CACNA2D1: variants seen among roughly 807,000 people sequenced by gnomAD.
The protein encoded by CACNA2D1 is voltage-dependent calcium channel subunit alpha-2/delta-1.
In CACNA2D1, 53 loss-of-function variants were observed where a neutral mutation model predicts 171.5. That is an observed-to-expected ratio of 0.31 (90% CI 0.25 to 0.39). The LOEUF is 0.39. Among genes scored for constraint, CACNA2D1 ranks in the 10% least tolerant of loss-of-function variants. The probability of loss-of-function intolerance (pLI) is 1.00; values close to 1 mark genes in which losing one functional copy is unlikely to be tolerated. For missense variants in CACNA2D1, 903 were observed against 1,299.8 expected (o/e 0.69, Z 4.69); for synonymous variants, 442 against 443.1 (o/e 1.00, Z 0.03).
At chr7:82,077,472 A>G (rs1195195361) in intron 7 of CACNA2D1, among the ~76,000 whole-genome samples, 1 of 152,178 alleles carries the variant, frequency 6.6e-6, no homozygotes, top group East Asian at 1.9e-4. Flanking sequence ...AGAATGACAG[A>G]GTAGTGAGAT....
chr7:82,431,496 C>G lies in CACNA2D1; in HGVS notation c.95+11869G>C, dbSNP rs531473434. 2.6e-5 allele frequency among the ~76,000 whole-genome samples: 4 copies of G among 152,232 alleles called. No homozygotes were observed. In the South Asian group the frequency reaches 8.3e-4, roughly 32 times the overall value. ...TTATGTTCTACTTTACATGACTCCT[C>G]TCTCTCAATCTTATTGCTGGAATAT... On this transcript the variant is annotated intron_variant, in intron 1 of 38. Coordinates refer to ENST00000356860, the MANE Select transcript of CACNA2D1 (RefSeq NM_000722.4).
intron 3 of CACNA2D1, among the ~76,000 whole-genome samples, chr7:82,323,272 A>G (rs1232315126): frequency 6.6e-6 from 1 of 152,192 alleles, no homozygotes; most frequent in East Asian, 1.9e-4. Flanking sequence ...GTTAAAAAAA[A>G]AAAAGAGGTG....
intron 3 of CACNA2D1, among the ~76,000 whole-genome samples, chr7:82,300,431 T>C (rs1282627924): frequency 6.6e-6 from 1 of 152,198 alleles, no homozygotes; most frequent in Non-Finnish European, 1.5e-5. Context: ...TTTCATCATG[T>C]AATATACAAA....
intron 6 of CACNA2D1, among the ~76,000 whole-genome samples, chr7:82,107,183 A>G (rs1232714687): frequency 6.6e-6 from 1 of 152,160 alleles, no homozygotes; most frequent in Non-Finnish European, 1.5e-5. Flanking sequence ...GTAAGATTCA[A>G]TCATTCTCCT....
chr7:82,345,569 A>T (rs1350753899), intron 2 of CACNA2D1, among the ~76,000 whole-genome samples: 2 of 152,240 alleles, frequency 1.3e-5, no homozygotes, highest in South Asian at 2.1e-4. Flanking sequence ...CATTTCATTA[A>T]CTTTAAAACA....
chr7:82,089,683 A>G (rs761794712), intron 6 of CACNA2D1, among the ~76,000 whole-genome samples: 1 of 152,194 alleles, frequency 6.6e-6, no homozygotes, highest in African/African-American at 2.4e-5. Flanking sequence ...TAACAGCACA[A>G]AAGAAACCCC....
In CACNA2D1 at chr7:82,057,537, C is replaced by T. The variant is rs75111698; in HGVS notation, c.879+2891G>A. On this transcript the variant is annotated intron_variant, in intron 10 of 38. Transcript: ENST00000356860. ...AATCTATAGCTACTATCTGAATATG[C>T]TTCAATTCTCATGCCAGTAGACCTA... is the stretch of plus-strand genomic sequence containing the variant. 7.6e-3 allele frequency among the ~76,000 whole-genome samples: 1,117 copies of T among 147,372 alleles called. 15 individuals carry two copies. The highest frequency in any genetic ancestry group is 0.027 in the African/African-American group (1,062 of 40,038).
rs773741770 is a variant in CACNA2D1 at position 82,170,643 on chromosome 7, T to C, written c.295-34A>G. 4.4e-6 allele frequency: 7 copies of C among 1,586,696 alleles called. No homozygotes were observed. In the East Asian group the frequency reaches 9.0e-5, roughly 20 times the overall value. ...CAAACAATAAATCTTAGAATTCAAATGAACACGTAATATGGAATTGTTATA... is the reference window on the plus strand; with the variant it reads ...CAAACAATAAATCTTAGAATTCAAACGAACACGTAATATGGAATTGTTATA... On this transcript the variant is annotated intron_variant, in intron 3 of 38. Coordinates refer to ENST00000356860, the MANE Select transcript of CACNA2D1 (RefSeq NM_000722.4).
intron 1 of CACNA2D1, among the ~76,000 whole-genome samples, chr7:82,396,820 A>C (rs1418532607): frequency 1.3e-5 from 2 of 152,216 alleles, no homozygotes; most frequent in Non-Finnish European, 2.9e-5. Context: ...GGAAGAAATC[A>C]AGTATATGTA....
chr7:82,166,224 T>C (rs1400704090), intron 4 of CACNA2D1, among the ~76,000 whole-genome samples: 1 of 152,012 alleles, frequency 6.6e-6, no homozygotes, highest in Non-Finnish European at 1.5e-5. Flanking sequence ...TATTATAAAA[T>C]TAAAGCTATA....
intron 5 of CACNA2D1, among the ~76,000 whole-genome samples, chr7:82,127,786 T>C (rs1363893500): frequency 6.6e-6 from 1 of 152,220 alleles, no homozygotes; most frequent in Non-Finnish European, 1.5e-5. Flanking sequence ...TAATATTATC[T>C]AGGATAAGTT....
chr7:81,994,130 A>T (rs1304372699), intron 20 of CACNA2D1, among the ~76,000 whole-genome samples: 1 of 152,124 alleles, frequency 6.6e-6, no homozygotes, highest in Admixed American at 6.5e-5. Context: ...GAGGAAAAGG[A>T]TATAGGTTAT....
intron 8 of CACNA2D1, among the ~76,000 whole-genome samples, chr7:82,064,744 A>G (rs868164402): frequency 5.3e-5 from 8 of 152,178 alleles, no homozygotes; most frequent in African/African-American, 1.9e-4. Flanking sequence ...AAGCACAAAA[A>G]ATAGATAAGT....
chr7:82,126,798 A>G (rs750657084), intron 5 of CACNA2D1, among the ~76,000 whole-genome samples: 2 of 152,094 alleles, frequency 1.3e-5, no homozygotes, highest in African/African-American at 2.4e-5. Flanking sequence ...TGCTATATAA[A>G]CCTCCAATTT....
intron 1 of CACNA2D1, among the ~76,000 whole-genome samples, chr7:82,439,872 T>A (rs1395812513): frequency 6.6e-6 from 1 of 151,834 alleles, no homozygotes; most frequent in Non-Finnish European, 1.5e-5. Flanking sequence ...ATATTTTATC[T>A]CATAATTGAT....
chr7:82,289,434 A>C (rs1159593437), intron 3 of CACNA2D1, among the ~76,000 whole-genome samples: 1 of 152,210 alleles, frequency 6.6e-6, no homozygotes, highest in Non-Finnish European at 1.5e-5. Context: ...TTGTGGACGT[A>C]AGTTTGCAGA....
intron 1 of CACNA2D1, among the ~76,000 whole-genome samples, chr7:82,387,942 C>T (rs978673839): frequency 6.6e-6 from 1 of 151,544 alleles, no homozygotes. Flanking sequence ...ATTAGCTGGT[C>T]ATGGTGGCAT....
At chr7:82,279,232 T>C (rs1403216441) in intron 3 of CACNA2D1, among the ~76,000 whole-genome samples, 1 of 152,234 alleles carries the variant, frequency 6.6e-6, no homozygotes, top group Non-Finnish European at 1.5e-5. Flanking sequence ...TGCAAAAGTA[T>C]GTGGATAGAG....
At chr7:82,303,452 T>C (rs372734220) in intron 3 of CACNA2D1, among the ~76,000 whole-genome samples, 2 of 122,376 alleles carry the variant, frequency 1.6e-5, no homozygotes, top group African/African-American at 3.1e-5. Flanking sequence ...TGTATGTAAC[T>C]AAAAAAAAAA....
Sources: allele counts gnomAD v4.1 joint callset (sites outside exome capture counted in the v4.1 genomes callset), GRCh38; gene constraint gnomAD v4.1.1; transcripts MANE v1.5; gene names NCBI Gene and HGNC (gene_info 2026-07-23, HGNC 2026-07-21).